Variants in CFAP54 observed in about 807,000 individuals in gnomAD.
CFAP54 encodes the protein cilia and flagella associated protein 54.
In CFAP54, 290 loss-of-function variants were observed where a neutral mutation model predicts 370.4. That is an observed-to-expected ratio of 0.78 (90% CI 0.71 to 0.86). CFAP54 has a LOEUF of 0.86. CFAP54 is among the 40% of genes least tolerant of loss of function. The probability of loss-of-function intolerance (pLI) is 0.00; values close to 1 mark genes in which losing one functional copy is unlikely to be tolerated. For missense variants in CFAP54, 3,399 were observed against 3,528.7 expected (o/e 0.96, Z 0.93); for synonymous variants, 1,206 against 1,236.5 (o/e 0.98, Z 0.52).
intron 46 of CFAP54, 148 bp downstream of exon 46, chr12:96,700,241 TTA>T (rs1957477617): frequency 1.1e-5 from 10 of 871,676 alleles, no homozygotes; most frequent in Non-Finnish European, 1.7e-5. Flanking sequence ...CATCAGGATT[TTA>T]TGAGGTTTCA....
At chr12:96,712,173 C>T (rs1371475078) in intron 48 of CFAP54, among the ~76,000 whole-genome samples, 2 of 152,006 alleles carry the variant, frequency 1.3e-5, no homozygotes, top group African/African-American at 4.8e-5. Flanking sequence ...GCTTTACCTA[C>T]TTATTTGCTG....
rs190116282 is a variant in CFAP54, at chr12:96,634,119, G to A, written c.4316+3468G>A. 5.1e-3 allele frequency among the ~76,000 whole-genome samples: 656 copies of A among 128,198 alleles called. 4 individuals are homozygous for A. The highest frequency in any genetic ancestry group is 0.018 in the African/African-American group (622 of 34,152). 84.1% of individuals were successfully genotyped at this position (128,198 alleles called of 152,430 possible). A position where few individuals can be genotyped will look rare whatever the true frequency, so the allele number is the denominator to read the frequency against. On this transcript the variant is annotated intron_variant, in intron 32 of 67. Transcript: ENST00000524981. ...TGCCCAGGCTGGAGTGCAGTGGCGT[G>A]ATCTTGGCTCACTGCAACCTCCGCC...
intron 66 of CFAP54, among the ~76,000 whole-genome samples, chr12:96,837,085 G>A (rs898316712): frequency 1.2e-4 from 19 of 152,116 alleles, no homozygotes; most frequent in Non-Finnish European, 2.9e-5. Context: ...TTCCCCCAAA[G>A]CACTGGGATT....
chr12:96,552,706 A>G (rs1340627626), intron 15 of CFAP54, among the ~76,000 whole-genome samples: 1 of 152,192 alleles, frequency 6.6e-6, no homozygotes, highest in Non-Finnish European at 1.5e-5. Flanking sequence ...ATATTCCTCC[A>G]AGTAACACCA....
chr12:96,507,527 A>G (rs61940380), intron 4 of CFAP54, among the ~76,000 whole-genome samples: 4,477 of 74,100 alleles, frequency 0.06, 90 homozygotes, highest in Admixed American at 0.088. Flanking sequence ...GAACACACAC[A>G]CACACATACA....
At chr12:96,870,275 A>G (rs1176769054) in intron 67 of CFAP54, among the ~76,000 whole-genome samples, 1 of 152,032 alleles carries the variant, frequency 6.6e-6, no homozygotes, top group African/African-American at 2.4e-5. Context: ...AAAAAAAAAA[A>G]GAAAACAGAT....
At chr12:96,699,212 C>T (rs772013259) in intron 45 of CFAP54, among the ~76,000 whole-genome samples, 38 of 152,162 alleles carry the variant, frequency 2.5e-4, no homozygotes, top group Non-Finnish European at 5.3e-4. Context: ...TGATTGGTTG[C>T]GGACAGCCAA....
intron 66 of CFAP54, among the ~76,000 whole-genome samples, chr12:96,832,769 A>C (rs993307544): frequency 6.6e-6 from 1 of 152,188 alleles, no homozygotes; most frequent in Non-Finnish European, 1.5e-5. Flanking sequence ...TTATTGTTGA[A>C]TCCTGTAAGA....
At chr12:96,518,857 A>G in intron 5 of CFAP54, 71 bp from the exon 6 acceptor site, 1 of 1,306,782 alleles carries the variant, frequency 7.7e-7, no homozygotes. Context: ...TTAGAATTTG[A>G]TTATATTTAA....
intron 26 of CFAP54, among the ~76,000 whole-genome samples, chr12:96,600,821 C>T (rs940431620): frequency 6.6e-6 from 1 of 152,158 alleles, no homozygotes; most frequent in African/African-American, 2.4e-5. Context: ...TATTCTGAGA[C>T]TTTGCTGAAG....
chr12:96,757,453 A>C, intron 57 of CFAP54, 42 bp from the exon 58 acceptor site: 1 of 1,139,164 alleles, frequency 8.8e-7, no homozygotes, highest in African/African-American at 1.6e-5. Context: ...ATGATTATGC[A>C]TGGTGAAGCT....
intron 13 of CFAP54, chr12:96,540,115 T>C (rs1383350930): frequency 6.6e-6 from 1 of 152,212 alleles, no homozygotes; most frequent in Non-Finnish European, 1.5e-5. Flanking sequence ...CTTTCTCTTT[T>C]TTTTTGAGAC....
intron 14 of CFAP54, among the ~76,000 whole-genome samples, chr12:96,546,397 A>G (rs758123401): frequency 4.6e-5 from 7 of 151,906 alleles, no homozygotes; most frequent in African/African-American, 7.3e-5. Flanking sequence ...GATCCTGGCC[A>G]TGTATTTGTT....
In CFAP54 at chr12:96,644,266, A is replaced by C; in HGVS notation, c.4405A>C (p.Arg1469=). 6.5e-7 allele frequency: 1 copy of C among 1,535,864 alleles called. No individual in the cohort carries two copies. Among genetic ancestry groups the C allele is most frequent in the African/African-American group, 1.4e-5 (1 of 73,152 alleles). ...AATATTAAGTTATGTTAAAAGAAAGAGGTTCCATCGTCTATCACTTGAAGA... is the reference window on the plus strand; with the variant it reads ...AATATTAAGTTATGTTAAAAGAAAGCGGTTCCATCGTCTATCACTTGAAGA... ...PLILSYVKRK[R]FHRLSLEEMP... Residue 1469 remains arginine, a synonymous_variant, in exon 33 of 68, where the codon AGG becomes CGG. Coordinates refer to ENST00000524981, the MANE Select transcript of CFAP54 (RefSeq NM_001306084.2).
At chr12:96,529,089 A>G (rs1326793589) in intron 9 of CFAP54, among the ~76,000 whole-genome samples, 6 of 152,166 alleles carry the variant, frequency 3.9e-5, no homozygotes, top group South Asian at 4.1e-4. Context: ...ACTGATTTCT[A>G]TGTTAATTAT....
intron 14 of CFAP54, among the ~76,000 whole-genome samples, chr12:96,545,776 C>A (rs558909346): frequency 6.6e-6 from 1 of 152,136 alleles, no homozygotes; most frequent in Non-Finnish European, 1.5e-5. Flanking sequence ...AGCTGTACAT[C>A]CATCCAGTCA....
At chr12:96,546,865 T>C (rs746018739) in intron 14 of CFAP54, among the ~76,000 whole-genome samples, 14 of 152,122 alleles carry the variant, frequency 9.2e-5, no homozygotes, top group Non-Finnish European at 1.5e-4. Flanking sequence ...CTTAATGTTA[T>C]TGTTTTATTT....
chr12:96,576,415 T>C (rs1955976477), intron 19 of CFAP54, among the ~76,000 whole-genome samples, 170 bp from the exon 20 acceptor site: 3 of 151,328 alleles, frequency 2.0e-5, no homozygotes, highest in African/African-American at 7.3e-5. Context: ...CATCTTTTAC[T>C]TTTGCAAAAT....
intron 66 of CFAP54, among the ~76,000 whole-genome samples, chr12:96,833,392 C>A: frequency 6.6e-6 from 1 of 152,102 alleles, no homozygotes; most frequent in East Asian, 1.9e-4. Flanking sequence ...GGTATAGATA[C>A]TTTTGTTGCT....
Sources: allele counts gnomAD v4.1 joint callset (sites outside exome capture counted in the v4.1 genomes callset), GRCh38; gene constraint gnomAD v4.1.1; transcripts MANE v1.5; gene names NCBI Gene and HGNC (gene_info 2026-07-23, HGNC 2026-07-21).